H2BC12: variants seen among roughly 807,000 people sequenced by gnomAD.
H2BC12 encodes the protein H2B clustered histone 12.
In H2BC12, 6 loss-of-function variants were observed where a neutral mutation model predicts 6.3. The observed-to-expected ratio is 0.95, with a 90% CI of 0.52 to 1.87. H2BC12 has a LOEUF of 1.87. H2BC12 is among the 40% of genes most tolerant of loss of function. H2BC12 has a pLI of 0.01. For missense variants in H2BC12, 119 were observed against 178.4 expected, an observed-to-expected ratio of 0.67 and a Z score of 1.90; for synonymous variants, 132 against 78.5, an observed-to-expected ratio of 1.68 and a Z score of -3.60.
At chr6:27,142,394 T>C (rs1190320802), downstream of H2BC12, among the ~76,000 whole-genome samples, 2 of 151,826 alleles carry the variant, frequency 1.3e-5, no homozygotes, top group Non-Finnish European at 2.9e-5. Flanking sequence ...TGCCTCCGCC[T>C]CCCAAGTAGC....
chr6:27,144,298 C>G (rs1760041866), downstream of H2BC12, among the ~76,000 whole-genome samples: 1 of 152,016 alleles, frequency 6.6e-6, no homozygotes, highest in African/African-American at 2.4e-5. Context: ...CCCATCTCTA[C>G]TAAAAATACA....
chr6:27,142,636 CTTTT>C (rs759784250), downstream of H2BC12, among the ~76,000 whole-genome samples: 7 of 100,292 alleles, frequency 7.0e-5, no homozygotes, highest in African/African-American at 2.7e-4. Context: ...TCCCCCCCTC[CTTTT>C]TTTTTTTTTT....
the H2BC12 span, chr6:27,139,300 C>G: frequency 6.3e-7 from 1 of 1,596,056 alleles, no homozygotes; most frequent in African/African-American, 1.3e-5. Context: ...GTTCTCTGAC[C>G]ACTTGATAAT....
At chr6:27,141,486 C>T (rs1252183729), downstream of H2BC12, among the ~76,000 whole-genome samples, 1 of 152,016 alleles carries the variant, frequency 6.6e-6, no homozygotes. Context: ...ATTCAAATTG[C>T]CCCGAACATA....
Position 27,146,646 on chromosome 6 carries a change from G to C in H2BC12, c.153C>G (p.Pro51=), listed in dbSNP as rs202101103. 6.4e-7 allele frequency: 1 copy of C among 1,563,458 alleles called. No individual in the cohort carries two copies. The highest frequency in any genetic ancestry group is 1.1e-5 in the South Asian group (1 of 88,202). ...TGGCCTTAGAGGAGATGCCGGTGTC[G>C]GGGTGGACCTGCTTCAGCACCTTGT... ...YVYKVLKQVH[P]DTGISSKAMG... The change falls in exon 1 of 1, where the codon CCC becomes CCG. Residue 51 remains proline (P), a synonymous_variant. Coordinates refer to ENST00000356950, the MANE Select transcript of H2BC12 (RefSeq NM_001312653.2).
downstream of H2BC12, among the ~76,000 whole-genome samples, chr6:27,142,354 C>CCCTAA (rs1760016237): frequency 6.6e-6 from 1 of 151,612 alleles, no homozygotes. Flanking sequence ...CTCACTGCAA[C>CCCTAA]CTCCGCCTCC....
chr6:27,141,298 T>C, the H2BC12 span, among the ~76,000 whole-genome samples: 1 of 152,102 alleles, frequency 6.6e-6, no homozygotes. Context: ...TGAAAGTTTG[T>C]TGAAAATTGT....
the H2BC12 span, chr6:27,139,792 T>A: frequency 8.9e-7 from 1 of 1,125,326 alleles, no homozygotes; most frequent in Non-Finnish European, 1.2e-6. Flanking sequence ...GGCTGATGAC[T>A]ACAGGTGACC....
At chr6:27,141,061 A>C in the H2BC12 span, among the ~76,000 whole-genome samples, 6 of 151,938 alleles carry the variant, frequency 3.9e-5, no homozygotes, top group South Asian at 2.1e-4. Context: ...AAAAAAAAAA[A>C]ACAAAAAACA....
chr6:27,146,368 C>A lies in H2BC12; in HGVS notation c.*50G>T. 6.2e-7 allele frequency: 1 copy of A among 1,611,372 alleles called. No individual in the cohort carries two copies. Among genetic ancestry groups the A allele is most frequent in the Non-Finnish European group, 8.5e-7 (1 of 1,179,104 alleles). On this transcript the variant is annotated 3_prime_UTR_variant, in exon 1 of 1. Transcript: ENST00000356950. Reference sequence around the variant, plus strand: ...GCTCTAATATCGATAATTTAAGTGGCTCTTAAAAGAGCCTTTGGGGTTGGG... The same window carrying A: ...GCTCTAATATCGATAATTTAAGTGGATCTTAAAAGAGCCTTTGGGGTTGGG...
At chr6:27,139,809 CGA>C in the H2BC12 span, 16 of 954,486 alleles carry the variant, frequency 1.7e-5, no homozygotes, top group Admixed American at 5.5e-4. Flanking sequence ...GACCTTGGGC[CGA>C]GATTTTTCCA....
downstream of H2BC12, chr6:27,146,335 T>A (rs1274385252): frequency 2.5e-6 from 4 of 1,590,164 alleles, no homozygotes; most frequent in African/African-American, 2.7e-5. Context: ...TAGGAACACG[T>A]GTTTACAGCT....
At chr6:27,145,950 G>A (rs1290621947), downstream of H2BC12, among the ~76,000 whole-genome samples, 1 of 152,156 alleles carries the variant, frequency 6.6e-6, no homozygotes, top group Non-Finnish European at 1.5e-5. Context: ...TAAGGTAACT[G>A]CTCGAGCGAA....
At chr6:27,143,580 A>G (rs1760033413), downstream of H2BC12, among the ~76,000 whole-genome samples, 2 of 151,092 alleles carry the variant, frequency 1.3e-5, no homozygotes, top group East Asian at 3.9e-4. Flanking sequence ...TCTTAGGTCC[A>G]CTGACCTCTT....
chr6:27,139,437 C>T, the H2BC12 span: 2 of 1,614,212 alleles, frequency 1.2e-6, no homozygotes, highest in Admixed American at 1.7e-5. Flanking sequence ...GCCGCGGCGG[C>T]GTGAAGCGCA....
the H2BC12 span, chr6:27,139,247 G>A: frequency 3.3e-6 from 5 of 1,523,750 alleles, no homozygotes; most frequent in Non-Finnish European, 4.4e-6. Flanking sequence ...GTCCGCAGAG[G>A]TTACCCATAA....
chr6:27,143,322 A>AG (rs949872773), downstream of H2BC12, among the ~76,000 whole-genome samples: 3 of 152,082 alleles, frequency 2.0e-5, no homozygotes, highest in Non-Finnish European at 4.4e-5. Flanking sequence ...ACTGCACTCC[A>AG]GCCTTGGCGA....
At chr6:27,139,088 A>T in the H2BC12 span, 1 of 470,832 alleles carries the variant, frequency 2.1e-6, no homozygotes, top group South Asian at 4.8e-5. Flanking sequence ...ATGTTAAATG[A>T]AAAAAGGAAA....
downstream of H2BC12, among the ~76,000 whole-genome samples, chr6:27,142,136 GTA>G (rs1225101313): frequency 3.9e-5 from 6 of 152,168 alleles, no homozygotes; most frequent in East Asian, 1.2e-3. Context: ...CCATAAAAGT[GTA>G]AAATACACAC....
Sources: allele counts gnomAD v4.1 joint callset (sites outside exome capture counted in the v4.1 genomes callset), GRCh38; gene constraint gnomAD v4.1.1; transcripts MANE v1.5; gene names NCBI Gene and HGNC (gene_info 2026-07-23, HGNC 2026-07-21).